Variants in CDH4 observed in about 807,000 individuals in gnomAD.
CDH4 encodes the protein cadherin-4.
Under a neutral mutation model 86.0 loss-of-function variants are expected in CDH4, and 33 were observed. The observed-to-expected ratio is 0.38, with a 90% CI of 0.29 to 0.51. CDH4 has a LOEUF of 0.51. CDH4 is among the 20% of genes least tolerant of loss of function. The pLI is 0.86. For synonymous variants in CDH4, 555 were observed against 549.4 expected, an observed-to-expected ratio of 1.01 and a Z score of -0.14; for missense variants, 1,114 against 1,307.4, an observed-to-expected ratio of 0.85 and a Z score of 2.28.
intron 2 of CDH4, among the ~76,000 whole-genome samples, chr20:61,409,576 G>A (rs1015212593): frequency 2.6e-4 from 39 of 152,220 alleles, no homozygotes; most frequent in African/African-American, 8.9e-4. Flanking sequence ...ATCGCACTGT[G>A]TGCATTTCAG....
chr20:61,806,658 G>A (rs574210379), intron 4 of CDH4, among the ~76,000 whole-genome samples: 15 of 152,226 alleles, frequency 9.9e-5, no homozygotes, highest in Non-Finnish European at 1.8e-4. Context: ...AGGGGCTGCT[G>A]GAGGAGCTGC....
chr20:61,927,779 G>A (rs559558234), intron 11 of CDH4, among the ~76,000 whole-genome samples: 113 of 152,360 alleles, frequency 7.4e-4, no homozygotes, highest in African/African-American at 2.5e-3. Context: ...CTCCGTGGCT[G>A]TGAGTTTCCA....
At chr20:61,477,324 G>A (rs1019569460) in intron 2 of CDH4, among the ~76,000 whole-genome samples, 3 of 134,302 alleles carry the variant, frequency 2.2e-5, no homozygotes, top group South Asian at 2.4e-4. Context: ...GACATGGTCC[G>A]GGCCCCATGG....
chr20:61,901,910 A>G (rs1307989539), intron 8 of CDH4, among the ~76,000 whole-genome samples: 1 of 152,200 alleles, frequency 6.6e-6, no homozygotes, highest in Admixed American at 6.5e-5. Context: ...TGTCCGTCAG[A>G]GGTGGAAGTA....
chr20:61,454,371 G>A (rs931288255), intron 2 of CDH4, among the ~76,000 whole-genome samples: 4 of 152,162 alleles, frequency 2.6e-5, no homozygotes, highest in African/African-American at 9.7e-5. Context: ...GGGCACCCGG[G>A]TCAAACACGG....
chr20:61,732,122 G>T (rs1439099942), intron 2 of CDH4, among the ~76,000 whole-genome samples: 1 of 152,212 alleles, frequency 6.6e-6, no homozygotes, highest in African/African-American at 2.4e-5. Context: ...CTCCAAAGTG[G>T]CTCGAGTGCA....
intron 8 of CDH4, among the ~76,000 whole-genome samples, chr20:61,907,691 A>G (rs2054805712): frequency 6.6e-6 from 1 of 152,006 alleles, no homozygotes; most frequent in African/African-American, 2.4e-5. Context: ...CTCTAGGGCC[A>G]GGTCAGCGTC....
At chr20:61,705,952 G>A (rs963949273) in intron 2 of CDH4, among the ~76,000 whole-genome samples, 1 of 152,168 alleles carries the variant, frequency 6.6e-6, no homozygotes, top group East Asian at 1.9e-4. Context: ...TAAATTCCAC[G>A]CCGCTTCCTT....
chr20:61,309,570 A>G (rs577902706), intron 2 of CDH4, among the ~76,000 whole-genome samples: 24 of 152,350 alleles, frequency 1.6e-4, no homozygotes, highest in African/African-American at 5.5e-4. Flanking sequence ...CAAGGCAAAA[A>G]AAGGAGGGAA....
In CDH4 at chr20:61,709,208, TG is replaced by T. The variant is rs752992212; in HGVS notation, c.170-34352del. Reference sequence around the variant, plus strand: ...CAAATGCAGGAAACTGGGGCCAGGCTGGGCCACTGTCAGGGGTTTTGCTGTC... The same window carrying T: ...CAAATGCAGGAAACTGGGGCCAGGCTGGCCACTGTCAGGGGTTTTGCTGTC... On this transcript the variant is annotated intron_variant, in intron 2 of 15. Transcript: ENST00000614565. This position sits in a 1 kb window ranked among gnomAD's most constrained non-coding sequence, Gnocchi z 4.8. 1.3e-5 allele frequency among the ~76,000 whole-genome samples: 2 copies of T among 152,238 alleles called. No homozygotes were observed. Among genetic ancestry groups the T allele is most frequent in the African/African-American group, 2.4e-5 (1 of 41,470 alleles).
At chr20:61,664,790 G>GAGAAATCAGCAGACTCCCA (rs1423142166) in intron 2 of CDH4, among the ~76,000 whole-genome samples, 6 of 152,236 alleles carry the variant, frequency 3.9e-5, no homozygotes, top group South Asian at 2.1e-4. Context: ...TCTGCCTGCT[G>GAGAAATCAGCAGACTCCCA]AGAAATCAGC....
In CDH4 at chr20:61,267,516, T is replaced by C. The variant is rs553129997; in HGVS notation, c.169+12579T>C. ...GAAAGGCAAATGAGGCACTTTAGTGTAGTAATGGGGTATTTTATATTGTAA... is the reference window on the plus strand; with the variant it reads ...GAAAGGCAAATGAGGCACTTTAGTGCAGTAATGGGGTATTTTATATTGTAA... On this transcript the variant is annotated intron_variant, in intron 2 of 15. Coordinates refer to ENST00000614565, the MANE Select transcript of CDH4 (RefSeq NM_001794.5). Among the ~76,000 whole-genome samples, 3 of 152,298 alleles carry C rather than the reference T, an allele frequency of 2.0e-5. No homozygotes were observed. The South Asian group carries it at 6.2e-4, about 32-fold the overall frequency.
At chr20:61,331,361 T>C (rs1371050961) in intron 2 of CDH4, among the ~76,000 whole-genome samples, 1 of 152,028 alleles carries the variant, frequency 6.6e-6, no homozygotes, top group African/African-American at 2.4e-5. Context: ...ACTGCCCTGT[T>C]CATGCTTGCT....
At chr20:61,256,626 G>A (rs901052724) in intron 2 of CDH4, among the ~76,000 whole-genome samples, 7 of 152,196 alleles carry the variant, frequency 4.6e-5, no homozygotes, top group Non-Finnish European at 1.5e-5. Flanking sequence ...GGGGCCAAGA[G>A]TCACATGCCC....
chr20:61,812,031 C>T (rs375130721), intron 4 of CDH4, among the ~76,000 whole-genome samples: 3 of 152,100 alleles, frequency 2.0e-5, no homozygotes, highest in Admixed American at 6.5e-5. Flanking sequence ...GTGGTTTTCC[C>T]ATCTGCCCGC....
intron 2 of CDH4, among the ~76,000 whole-genome samples, chr20:61,531,631 A>G (rs1382033270): frequency 6.6e-6 from 1 of 152,208 alleles, no homozygotes; most frequent in Admixed American, 6.5e-5. Context: ...TATTTTCTGG[A>G]TGGCATTCAC....
At chr20:61,706,524 A>T (rs1478228814) in intron 2 of CDH4, among the ~76,000 whole-genome samples, 3 of 152,220 alleles carry the variant, frequency 2.0e-5, no homozygotes, top group African/African-American at 7.2e-5. Flanking sequence ...AGCTACGACG[A>T]AGACTCCGGG....
chr20:61,741,738 T>G (rs1459957414), intron 2 of CDH4, among the ~76,000 whole-genome samples: 2 of 152,100 alleles, frequency 1.3e-5, no homozygotes, highest in African/African-American at 4.8e-5. Flanking sequence ...TGATCCACCC[T>G]CCTCGGCCTC....
In CDH4 at chr20:61,844,696, C is replaced by T. The variant is rs1240110612; in HGVS notation, c.605C>T (p.Pro202Leu). The T allele has an allele frequency of 6.2e-7, 1 of 1,613,320 alleles. No individual in the cohort carries two copies. Among genetic ancestry groups the T allele is most frequent in the Non-Finnish European group, 8.5e-7 (1 of 1,179,446 alleles). The change falls in exon 5 of 16, where the codon CCC becomes CTC. Residue 202 changes from proline (P) to leucine (L), a missense_variant. Around this residue, in one of 3 missense-constraint regions of CDH4, gnomAD observed 705 missense variants for 914.1 expected, o/e 0.77. Transcript: ENST00000614565. ...RIRSDKDNDI[P>L]IRYSITGVGA... The stretch of plus-strand genomic sequence containing the variant: ...CGGTCCGACAAAGACAATGACATCC[C>T]CATCCGGTACAGCATCACGGGAGTG...
Sources: allele counts gnomAD v4.1 joint callset (sites outside exome capture counted in the v4.1 genomes callset), GRCh38; gene constraint gnomAD v4.1.1; regional missense constraint gnomAD v4.1.1; non-coding constraint Gnocchi (gnomAD v3.1); transcripts MANE v1.5; gene names NCBI Gene and HGNC (gene_info 2026-07-23, HGNC 2026-07-21).